The following MAGI2 variants were observed in gnomAD, a reference collection of about 807,000 sequenced individuals.
MAGI2 encodes the protein membrane-associated guanylate kinase, WW and PDZ domain-containing protein 2.
In MAGI2, 35 loss-of-function variants were observed where a neutral mutation model predicts 133.3. The observed-to-expected ratio is 0.26, with a 90% CI of 0.20 to 0.35. The LOEUF is 0.35. MAGI2 is among the 10% of genes least tolerant of loss of function. The probability of loss-of-function intolerance (pLI) is 1.00; values close to 1 mark genes in which losing one functional copy is unlikely to be tolerated. For synonymous variants in MAGI2, 729 were observed against 710.6 expected, an observed-to-expected ratio of 1.03 and a Z score of -0.41; for missense variants, 1,636 against 1,863.4, an observed-to-expected ratio of 0.88 and a Z score of 2.25.
intron 1 of MAGI2, among the ~76,000 whole-genome samples, chr7:79,241,153 C>T (rs993137625): frequency 4.6e-5 from 7 of 152,110 alleles, no homozygotes; most frequent in South Asian, 4.1e-4. Context: ...TTCATTGTTA[C>T]GTGAGTGTGA....
At chr7:78,435,418 TC>T (rs1240443918) in intron 6 of MAGI2, among the ~76,000 whole-genome samples, 2 of 152,162 alleles carry the variant, frequency 1.3e-5, no homozygotes, top group Non-Finnish European at 2.9e-5. Context: ...CCAATGGATT[TC>T]AGCTGTGCCT....
At chr7:78,319,326 C>A (rs1020627403) in intron 9 of MAGI2, among the ~76,000 whole-genome samples, 1 of 151,586 alleles carries the variant, frequency 6.6e-6, no homozygotes, top group Admixed American at 6.6e-5. Context: ...AACAAAAAAA[C>A]AGGGGTTGCA....
At chr7:79,180,117 T>C (rs1479589757) in intron 1 of MAGI2, among the ~76,000 whole-genome samples, 1 of 151,992 alleles carries the variant, frequency 6.6e-6, no homozygotes, top group Non-Finnish European at 1.5e-5. Flanking sequence ...CACGAATTGA[T>C]ATCTTTCAAA....
chr7:78,045,361 T>G (rs1811315837), intron 21 of MAGI2, among the ~76,000 whole-genome samples: 1 of 152,164 alleles, frequency 6.6e-6, no homozygotes, highest in African/African-American at 2.4e-5. Flanking sequence ...AAACACTGGG[T>G]GACCTATCCA....
intron 2 of MAGI2, among the ~76,000 whole-genome samples, chr7:78,724,933 T>C (rs1820622231): frequency 6.6e-6 from 1 of 152,148 alleles, no homozygotes; most frequent in South Asian, 2.1e-4. Context: ...TGCCCAATAA[T>C]TTCTCATTTT....
At chr7:78,343,544 C>T (rs933020977) in intron 9 of MAGI2, among the ~76,000 whole-genome samples, 5 of 152,134 alleles carry the variant, frequency 3.3e-5, no homozygotes, top group East Asian at 1.9e-4. Flanking sequence ...CCATTGAATC[C>T]AGCAAACAGA....
At chr7:78,856,323 G>A (rs1480956935) in intron 2 of MAGI2, among the ~76,000 whole-genome samples, 1 of 152,150 alleles carries the variant, frequency 6.6e-6, no homozygotes, top group Non-Finnish European at 1.5e-5. Flanking sequence ...TGAAGTCCTT[G>A]CACATGCCTA....
chr7:78,946,301 A>G (rs1251071411), intron 2 of MAGI2, among the ~76,000 whole-genome samples: 1 of 152,202 alleles, frequency 6.6e-6, no homozygotes, highest in African/African-American at 2.4e-5. Flanking sequence ...GATAGTTAAT[A>G]TGATTGTCAT....
intron 2 of MAGI2, among the ~76,000 whole-genome samples, chr7:78,962,264 TGACATGCTAGA>T (rs1802909381): frequency 6.6e-6 from 1 of 152,120 alleles, no homozygotes; most frequent in Non-Finnish European, 1.5e-5. Flanking sequence ...ATTTAAAATG[TGACATGCTAGA>T]AACAAACTTG....
chr7:79,238,520 T>C (rs1832120411), intron 1 of MAGI2, among the ~76,000 whole-genome samples: 1 of 152,206 alleles, frequency 6.6e-6, no homozygotes, highest in African/African-American at 2.4e-5. Context: ...GCATATCGTT[T>C]GGATAAACTA....
intron 2 of MAGI2, among the ~76,000 whole-genome samples, chr7:78,785,440 G>T (rs1054011196): frequency 5.3e-5 from 8 of 152,180 alleles, no homozygotes; most frequent in South Asian, 2.1e-4. Flanking sequence ...GAATTGAAAA[G>T]CTGTTAAAAG....
At chr7:78,670,293 G>GC (rs1554520717) in intron 2 of MAGI2, among the ~76,000 whole-genome samples, 5 of 151,886 alleles carry the variant, frequency 3.3e-5, no homozygotes, top group Non-Finnish European at 7.4e-5. Flanking sequence ...CAAACAGAGA[G>GC]CAAATCATGA....
intron 1 of MAGI2, among the ~76,000 whole-genome samples, chr7:79,388,236 C>G (rs1380015246): frequency 6.6e-6 from 1 of 151,966 alleles, no homozygotes; most frequent in Non-Finnish European, 1.5e-5. Context: ...TTTTAAATCT[C>G]TGACCCTTAT....
At chr7:78,403,377 A>G (rs1465339099) in intron 6 of MAGI2, among the ~76,000 whole-genome samples, 1 of 152,112 alleles carries the variant, frequency 6.6e-6, no homozygotes, top group Non-Finnish European at 1.5e-5. Context: ...TATGTGCCAC[A>G]TTTTCCTAAT....
At chr7:78,227,883 T>TGTGTGTGTGTGTG (rs1563292086) in intron 10 of MAGI2, among the ~76,000 whole-genome samples, 5 of 149,320 alleles carry the variant, frequency 3.3e-5, no homozygotes, top group East Asian at 2.0e-4. Flanking sequence ...TGTGTGTGTG[T>TGTGTGTGTGTGTG]TTTAAACCCT....
intron 3 of MAGI2, among the ~76,000 whole-genome samples, chr7:78,602,513 A>C (rs1387126924): frequency 6.6e-6 from 1 of 151,830 alleles, no homozygotes; most frequent in Admixed American, 6.6e-5. Flanking sequence ...GATGCTTTGA[A>C]GCCAATTCCT....
intron 7 of MAGI2, among the ~76,000 whole-genome samples, chr7:78,361,853 G>A (rs1792849165): frequency 6.6e-6 from 1 of 152,190 alleles, no homozygotes; most frequent in Non-Finnish European, 1.5e-5. Context: ...CTGCTAGAAT[G>A]AGCCAGCAAT....
chr7:78,951,079 C>T (rs187471701), intron 2 of MAGI2, among the ~76,000 whole-genome samples: 1 of 149,296 alleles, frequency 6.7e-6, no homozygotes, highest in African/African-American at 2.5e-5. Flanking sequence ...TCAAGCAATT[C>T]TCCTGCCTCA....
intron 6 of MAGI2, among the ~76,000 whole-genome samples, chr7:78,448,547 A>C (rs560699839): frequency 6.6e-6 from 1 of 151,668 alleles, no homozygotes; most frequent in South Asian, 2.1e-4. Context: ...TCCCATGGCC[A>C]ACACTTCTAT....
Sources: allele counts gnomAD v4.1 joint callset (sites outside exome capture counted in the v4.1 genomes callset), GRCh38; gene constraint gnomAD v4.1.1; transcripts MANE v1.5; gene names NCBI Gene and HGNC (gene_info 2026-07-23, HGNC 2026-07-21).